Variants in ZFP1 observed in about 807,000 individuals in gnomAD.
ZFP1 encodes zinc finger protein 1 homolog.
A neutral mutation model predicts 38.5 loss-of-function variants in ZFP1; 32 were observed. The ratio of observed to expected loss-of-function variants is 0.83; its 90% CI spans 0.63 to 1.12. ZFP1 has a LOEUF of 1.12. ZFP1 is among the 50% of genes most tolerant of loss of function. The pLI is 0.00. For missense variants in ZFP1, 616 were observed against 480.8 expected (o/e 1.28, Z -2.63); for synonymous variants, 245 against 168.8 (o/e 1.45, Z -3.50).
intron 3 of ZFP1, among the ~76,000 whole-genome samples, chr16:75,168,750 AAAG>A (rs1238086790): frequency 2.6e-5 from 4 of 152,186 alleles, no homozygotes; most frequent in African/African-American, 4.8e-5. Context: ...CAGTAGAAAA[AAAG>A]GAGAAAAAGC....
At chr16:75,149,132 A>T (rs1055319083) in intron 1 of ZFP1, 6 of 152,122 alleles carry the variant, frequency 3.9e-5, no homozygotes, top group Non-Finnish European at 7.3e-5. Context: ...GAGGGTCTTC[A>T]GTGAGGTGTT....
chr16:75,146,650 G>T (rs376317870), upstream of ZFP1, among the ~76,000 whole-genome samples: 3 of 152,220 alleles, frequency 2.0e-5, no homozygotes, highest in South Asian at 6.2e-4. Context: ...GCACTAAAAC[G>T]AACTGAGGCT....
intron 2 of ZFP1, among the ~76,000 whole-genome samples, chr16:75,154,580 T>G (rs1261062452): frequency 1.3e-5 from 2 of 151,230 alleles, no homozygotes; most frequent in African/African-American, 2.4e-5. Context: ...AGAGTTTTTT[T>G]TTTTTTTTTT....
intron 3 of ZFP1, among the ~76,000 whole-genome samples, chr16:75,167,931 T>TA (rs2038187746): frequency 6.6e-6 from 1 of 152,008 alleles, no homozygotes; most frequent in South Asian, 2.1e-4. Flanking sequence ...CCCTCTCTAC[T>TA]AAAAATACAA....
At chr16:75,125,621 C>G in the ZFP1 span, among the ~76,000 whole-genome samples, 3 of 152,066 alleles carry the variant, frequency 2.0e-5, no homozygotes, top group African/African-American at 7.2e-5. Flanking sequence ...CCGTGCCCAG[C>G]TGGAAGTTGT....
At chr16:75,151,387 T>C (rs2145497404) in intron 1 of ZFP1, among the ~76,000 whole-genome samples, 1 of 152,306 alleles carries the variant, frequency 6.6e-6, no homozygotes, top group South Asian at 2.1e-4. Context: ...TGCTGGTTTT[T>C]TTCTGTTTTT....
In ZFP1 at chr16:75,169,778, A is replaced by G; in HGVS notation, c.668A>G (p.His223Arg). The change falls in exon 4 of 4, where the codon CAT becomes CGT. Residue 223 changes from histidine (H) to arginine (R), a missense_variant. His to Arg is a conservative substitution (Grantham distance 29). Coordinates refer to ENST00000570010, the MANE Select transcript of ZFP1 (RefSeq NM_153688.4). ...AATGTATGTAAGAAAACCTTCTCCC[A>G]TAAGGCCAACCTCATCAAACATCAG... ...ECNVCKKTFS[H>R]KANLIKHQRI... 2.5e-6 allele frequency: 4 copies of G among 1,613,864 alleles called. No individual in the cohort carries two copies. Among genetic ancestry groups the G allele is most frequent in the Non-Finnish European group, 3.4e-6 (4 of 1,179,918 alleles).
At chr16:75,156,458 GAAAAA>G (rs1217855414) in intron 2 of ZFP1, among the ~76,000 whole-genome samples, 1 of 42,320 alleles carries the variant, frequency 2.4e-5, no homozygotes, top group Admixed American at 3.2e-4. Context: ...CTCTGTCTCA[GAAAAA>G]GAAAAGAAAA....
the ZFP1 span, among the ~76,000 whole-genome samples, chr16:75,119,239 G>A: frequency 1.3e-5 from 2 of 152,144 alleles, no homozygotes; most frequent in East Asian, 3.8e-4. Context: ...AGGCGCCCCT[G>A]ACCTTTGACA....
At chr16:75,120,816 C>T in the ZFP1 span, among the ~76,000 whole-genome samples, 3 of 151,516 alleles carry the variant, frequency 2.0e-5, no homozygotes, top group Non-Finnish European at 4.4e-5. Context: ...TTAGTAGAGA[C>T]GGGTTTCACC....
chr16:75,166,656 A>G (rs1597081089), intron 2 of ZFP1, 114 bp from the exon 3 acceptor site: 6 of 1,563,420 alleles, frequency 3.8e-6, no homozygotes, highest in Admixed American at 1.9e-5. Context: ...AGTGAACAAG[A>G]TGTATCGTTG....
At chr16:75,124,093 CA>C in the ZFP1 span, among the ~76,000 whole-genome samples, 2 of 150,544 alleles carry the variant, frequency 1.3e-5, no homozygotes, top group Non-Finnish European at 3.0e-5. Flanking sequence ...GACTCCATCT[CA>C]AAAAAAGTAA....
chr16:75,166,763 A>T lies in ZFP1; in HGVS notation c.16-7A>T. 1 of 1,614,190 alleles carries T rather than the reference A, an allele frequency of 6.2e-7. No homozygotes were observed. The highest frequency in any genetic ancestry group is 1.7e-5 in the Admixed American group (1 of 60,026). On this transcript the variant is annotated splice_region_variant and splice_polypyrimidine_tract_variant and intron_variant, in intron 2 of 3. Transcript: ENST00000570010. ...ATCTTAGGATGAATAACAATATGCC[A>T]TTTCAGGGATCAGTTTCATTCACGG...
intron 1 of ZFP1, among the ~76,000 whole-genome samples, chr16:75,149,663 A>G: frequency 6.8e-6 from 1 of 146,478 alleles, no homozygotes; most frequent in East Asian, 2.1e-4. Flanking sequence ...GGGTTAAAGT[A>G]GTGCTCTGCC....
the ZFP1 span, among the ~76,000 whole-genome samples, chr16:75,138,670 G>C: frequency 6.6e-6 from 1 of 152,204 alleles, no homozygotes; most frequent in African/African-American, 2.4e-5. Flanking sequence ...GAGGTGAAGA[G>C]AAATGGACCC....
intron 2 of ZFP1, among the ~76,000 whole-genome samples, chr16:75,156,771 C>T (rs1217927161): frequency 6.6e-6 from 1 of 152,210 alleles, no homozygotes; most frequent in Non-Finnish European, 1.5e-5. Context: ...TAGATTAAAG[C>T]AGAACACTTC....
the ZFP1 span, among the ~76,000 whole-genome samples, chr16:75,137,094 G>C: frequency 1.1e-4 from 17 of 152,044 alleles, no homozygotes; most frequent in Non-Finnish European, 2.2e-4. Flanking sequence ...CTGATTTTAG[G>C]ACAAGGGGAA....
At chr16:75,123,086 G>A in the ZFP1 span, among the ~76,000 whole-genome samples, 2 of 151,968 alleles carry the variant, frequency 1.3e-5, no homozygotes, top group Non-Finnish European at 2.9e-5. Flanking sequence ...AAGTGCAGTG[G>A]CTCACACCTG....
intron 2 of ZFP1, among the ~76,000 whole-genome samples, chr16:75,159,000 G>C (rs368216032): frequency 3.4e-5 from 5 of 149,240 alleles, no homozygotes; most frequent in Non-Finnish European, 7.4e-5. Flanking sequence ...AGGCTCAAGT[G>C]ATCCTCCCAC....
Sources: allele counts gnomAD v4.1 joint callset (sites outside exome capture counted in the v4.1 genomes callset), GRCh38; gene constraint gnomAD v4.1.1; transcripts MANE v1.5; gene names NCBI Gene and HGNC (gene_info 2026-07-23, HGNC 2026-07-21).